CNIH3: variants seen among roughly 807,000 people sequenced by gnomAD.
CNIH3 encodes protein cornichon homolog 3.
In CNIH3, 14 loss-of-function variants were observed where a neutral mutation model predicts 24.1. The ratio of observed to expected loss-of-function variants is 0.58; its 90% CI spans 0.38 to 0.91. CNIH3 has a LOEUF of 0.91. Among genes scored for constraint, CNIH3 ranks in the 40% least tolerant of loss-of-function variants. CNIH3 has a pLI of 0.00. For synonymous variants in CNIH3, 68 were observed against 73.8 expected, an observed-to-expected ratio of 0.92 and a Z score of 0.40; for missense variants, 178 against 196.8, an observed-to-expected ratio of 0.90 and a Z score of 0.57.
chr1:224,672,445 G>A (rs951720012), intron 1 of CNIH3, among the ~76,000 whole-genome samples: 2 of 152,170 alleles, frequency 1.3e-5, no homozygotes, highest in African/African-American at 4.8e-5. Context: ...TAAAACAATA[G>A]GAATTTATTC....
At chr1:224,622,255 T>A (rs1451015082) in intron 1 of CNIH3, among the ~76,000 whole-genome samples, 1 of 152,232 alleles carries the variant, frequency 6.6e-6, no homozygotes, top group Non-Finnish European at 1.5e-5. Context: ...GCCTTGGCAC[T>A]TTGAAACTTT....
chr1:224,632,663 G>C (rs1683883928), intron 1 of CNIH3, among the ~76,000 whole-genome samples: 4 of 152,084 alleles, frequency 2.6e-5, no homozygotes, highest in African/African-American at 9.7e-5. Flanking sequence ...ATCATCTGGA[G>C]CTGGGAACTG....
At chr1:224,585,091 A>G (rs921177711) in intron 5 of CNIH3, among the ~76,000 whole-genome samples, 3 of 152,064 alleles carry the variant, frequency 2.0e-5, no homozygotes, top group Non-Finnish European at 4.4e-5. Context: ...GTAGCACATC[A>G]CTCAAGTCCT....
At chr1:224,456,872 A>C (rs1206926020) in intron 1 of CNIH3, among the ~76,000 whole-genome samples, 1 of 152,194 alleles carries the variant, frequency 6.6e-6, no homozygotes, top group Non-Finnish European at 1.5e-5. Flanking sequence ...TCAGTGATCC[A>C]AGAAGATACA....
At chr1:224,573,525 A>T (rs1680909425) in intron 4 of CNIH3, among the ~76,000 whole-genome samples, 1 of 152,206 alleles carries the variant, frequency 6.6e-6, no homozygotes, top group Non-Finnish European at 1.5e-5. Context: ...TATCAATAGG[A>T]GGGAGTCCAA....
intron 1 of CNIH3, among the ~76,000 whole-genome samples, chr1:224,668,203 C>T (rs143742929): frequency 4.7e-4 from 72 of 152,308 alleles, no homozygotes; most frequent in Admixed American, 3.0e-3. Context: ...AAACAAACTA[C>T]AAGCAACCGG....
chr1:224,462,897 CTTTTTT>C (rs71572901), intron 1 of CNIH3, among the ~76,000 whole-genome samples: 1 of 73,414 alleles, frequency 1.4e-5, no homozygotes, highest in South Asian at 5.2e-4. Context: ...ATATGTTTAA[CTTTTTT>C]TTTTTTTTTT....
At chr1:224,733,475 G>C (rs1689437438) in intron 4 of CNIH3, among the ~76,000 whole-genome samples, 1 of 152,232 alleles carries the variant, frequency 6.6e-6, no homozygotes, top group Admixed American at 6.5e-5. Context: ...ATCGAATCTG[G>C]CTTGTGATTT....
intron 4 of CNIH3, among the ~76,000 whole-genome samples, chr1:224,573,725 T>A (rs763906802): frequency 3.9e-5 from 6 of 152,278 alleles, no homozygotes; most frequent in Non-Finnish European, 7.4e-5. Flanking sequence ...ATGTTTGTCT[T>A]TTTTCCATGT....
intron 3 of CNIH3, among the ~76,000 whole-genome samples, chr1:224,710,700 A>G (rs1688092500): frequency 6.6e-6 from 1 of 152,206 alleles, no homozygotes; most frequent in Non-Finnish European, 1.5e-5. Flanking sequence ...GAGATGCATA[A>G]GTTACAGTTA....
At chr1:224,555,910 G>T (rs1680118434) in intron 3 of CNIH3, among the ~76,000 whole-genome samples, 1 of 152,146 alleles carries the variant, frequency 6.6e-6, no homozygotes, top group Admixed American at 6.5e-5. Flanking sequence ...CCTACAGCTG[G>T]CAGAATATTG....
intron 1 of CNIH3, among the ~76,000 whole-genome samples, chr1:224,633,059 C>A (rs1014317611): frequency 6.6e-6 from 1 of 152,132 alleles, no homozygotes; most frequent in African/African-American, 2.4e-5. Flanking sequence ...TTGCTCCCTG[C>A]CCCTTATTCT....
At chr1:224,712,421 T>G (rs1688205290) in intron 3 of CNIH3, among the ~76,000 whole-genome samples, 1 of 152,164 alleles carries the variant, frequency 6.6e-6, no homozygotes, top group Non-Finnish European at 1.5e-5. Flanking sequence ...CTTTTTGATC[T>G]CTCCTTCTGG....
At chr1:224,687,042 C>G (rs10915694) in intron 3 of CNIH3, among the ~76,000 whole-genome samples, 70,525 of 152,114 alleles carry the variant, frequency 0.46, 16,843 homozygotes, top group African/African-American at 0.56. Context: ...TGCTACTCAT[C>G]GTCGTGGAAA....
At chr1:224,619,259 C>G (rs574531465) in intron 1 of CNIH3, among the ~76,000 whole-genome samples, 1 of 152,292 alleles carries the variant, frequency 6.6e-6, no homozygotes, top group East Asian at 1.9e-4. Context: ...GTTTGTGCAG[C>G]TGGTTGACAT....
At chr1:224,698,968 G>A (rs1687327887) in intron 3 of CNIH3, among the ~76,000 whole-genome samples, 1 of 147,140 alleles carries the variant, frequency 6.8e-6, no homozygotes, top group Admixed American at 6.9e-5. Flanking sequence ...CTGTGATGTG[G>A]AGATGGGGAG....
chr1:224,734,850 T>A, intron 5 of CNIH3, 144 bp downstream of exon 5: 1 of 845,654 alleles, frequency 1.2e-6, no homozygotes, highest in South Asian at 1.6e-5. Flanking sequence ...GCTGTCTGAC[T>A]CTGGCTCAGG....
intron 3 of CNIH3, among the ~76,000 whole-genome samples, chr1:224,708,671 A>G (rs546452188): frequency 1.3e-5 from 2 of 152,288 alleles, no homozygotes; most frequent in South Asian, 4.1e-4. Flanking sequence ...GTAGTATGAC[A>G]TGACTAGTCT....
intron 3 of CNIH3, among the ~76,000 whole-genome samples, chr1:224,713,333 G>T (rs939676484): frequency 6.6e-5 from 10 of 152,238 alleles, no homozygotes; most frequent in Non-Finnish European, 1.2e-4. Context: ...TCTTTGCACA[G>T]TTCCAGGTAT....
Sources: gnomAD v4.1 joint callset for allele counts (sites outside exome capture counted in the v4.1 genomes callset) on GRCh38, gnomAD v4.1.1 for gene constraint, MANE v1.5 for transcripts, NCBI Gene and HGNC (gene_info 2026-07-23, HGNC 2026-07-21) for gene names.